Variants in WDR72 observed in about 807,000 individuals in gnomAD.
WDR72 encodes the protein WD repeat domain 72.
Under a neutral mutation model 124.2 loss-of-function variants are expected in WDR72, and 120 were observed. The ratio of observed to expected loss-of-function variants is 0.97; its 90% CI spans 0.83 to 1.12. WDR72 has a LOEUF of 1.12. WDR72 is among the 50% of genes most tolerant of loss of function. The pLI is 0.00. For synonymous variants in WDR72, 452 were observed against 441.7 expected (o/e 1.02, Z -0.29); for missense variants, 1,387 against 1,278.8 (o/e 1.08, Z -1.29).
chr15:53,532,822 A>G (rs1281291823), intron 18 of WDR72, among the ~76,000 whole-genome samples: 1 of 152,120 alleles, frequency 6.6e-6, no homozygotes, highest in Admixed American at 6.6e-5. Context: ...GGGTGAAGTG[A>G]TGGAAACCCA....
chr15:53,683,329 G>A lies in WDR72; in HGVS notation c.1765+16421C>T, dbSNP rs561882832. 1.1e-4 allele frequency among the ~76,000 whole-genome samples: 17 copies of A among 152,208 alleles called. No homozygotes were observed. In the South Asian group the frequency reaches 3.1e-3, roughly 28 times the overall value. ...TGTATTATACATGTCATAGTAGCTA[G>A]AAGAGATAATCTGATTGTTCCCAAC... On this transcript the variant is annotated intron_variant, in intron 13 of 19. Coordinates refer to ENST00000360509, the MANE Select transcript of WDR72 (RefSeq NM_182758.4).
intron 14 of WDR72, among the ~76,000 whole-genome samples, chr15:53,625,574 A>G (rs905485818): frequency 6.6e-6 from 1 of 152,220 alleles, no homozygotes; most frequent in African/African-American, 2.4e-5. Context: ...AGGCAAAGGC[A>G]CACAGGGTTG....
intron 3 of WDR72, among the ~76,000 whole-genome samples, chr15:53,717,621 T>C (rs1235271144): frequency 2.0e-5 from 3 of 152,130 alleles, no homozygotes; most frequent in African/African-American, 7.2e-5. Flanking sequence ...CACTTGGTAA[T>C]ATTTGGAGAT....
chr15:53,716,768 T>TTGTGCTGC, intron 3 of WDR72, 83 bp from the exon 4 acceptor site: 1 of 876,038 alleles, frequency 1.1e-6, no homozygotes, highest in Non-Finnish European at 1.9e-6. Context: ...AGTTTTTCTT[T>TTGTGCTGC]AGCAGCCTGA....
chr15:53,593,981 G>T (rs2012640234), intron 18 of WDR72, among the ~76,000 whole-genome samples: 1 of 151,940 alleles, frequency 6.6e-6, no homozygotes, highest in African/African-American at 2.4e-5. Flanking sequence ...CAATGAACAT[G>T]AACATTTTAA....
chr15:53,626,061 A>G (rs978949014), intron 14 of WDR72, among the ~76,000 whole-genome samples: 5 of 152,042 alleles, frequency 3.3e-5, no homozygotes, highest in Non-Finnish European at 7.4e-5. Context: ...GTTGTGAAAA[A>G]ATTTGACCTG....
intron 6 of WDR72, among the ~76,000 whole-genome samples, chr15:53,714,207 A>C (rs1784789213): frequency 8.5e-6 from 1 of 117,054 alleles, no homozygotes; most frequent in Admixed American, 8.8e-5. Context: ...GTGTGTGTAA[A>C]TGAAAACATT....
intron 18 of WDR72, among the ~76,000 whole-genome samples, chr15:53,593,289 T>G (rs534082777): frequency 6.6e-6 from 1 of 152,148 alleles, no homozygotes; most frequent in Non-Finnish European, 1.5e-5. Flanking sequence ...TCAAACTGAT[T>G]TAGGGCAAAT....
chr15:53,735,105 C>T (rs969948579), intron 1 of WDR72, among the ~76,000 whole-genome samples: 1 of 151,964 alleles, frequency 6.6e-6, no homozygotes, highest in Admixed American at 6.6e-5. Flanking sequence ...ACCAGCCTGA[C>T]CAACATGGTG....
At chr15:53,762,169 G>T (rs1490668174), upstream of WDR72, among the ~76,000 whole-genome samples, 2 of 152,088 alleles carry the variant, frequency 1.3e-5, no homozygotes, top group Non-Finnish European at 2.9e-5. Flanking sequence ...AAATATTAAG[G>T]ATATTTGGCC....
chr15:53,578,925 T>A (rs16966231), intron 18 of WDR72, among the ~76,000 whole-genome samples: 26,557 of 151,672 alleles, frequency 0.18, 4,166 homozygotes, highest in African/African-American at 0.42. Flanking sequence ...ACTAGGAGAG[T>A]CTATAAATGA....
At chr15:53,553,122 G>A (rs1157096290) in intron 18 of WDR72, among the ~76,000 whole-genome samples, 1 of 152,084 alleles carries the variant, frequency 6.6e-6, no homozygotes, top group African/African-American at 2.4e-5. Context: ...TTAGACAGGG[G>A]AGGAGAAAAT....
intron 18 of WDR72, among the ~76,000 whole-genome samples, chr15:53,560,916 T>G (rs1484148423): frequency 3.3e-5 from 5 of 151,880 alleles, no homozygotes; most frequent in Non-Finnish European, 7.4e-5. Context: ...AGACTTGCTC[T>G]AGAATCATTT....
chr15:53,710,878 A>G lies in WDR72; in HGVS notation c.933T>C (p.Ser311=), dbSNP rs113462672. ...TTACCTTATTTTCCTGCACAGAAGT[A>G]GAGCACAGTAAATGAGGATAAATGG... ...KETIYPHLLC[S]TSVQENKEQS... The change falls in exon 9 of 20, where the codon TCT becomes TCC. Residue 311 remains serine, a synonymous_variant. Transcript: ENST00000360509. The G allele has an allele frequency of 1.9e-6, 3 of 1,613,496 alleles. No homozygotes were observed. Among genetic ancestry groups the G allele is most frequent in the South Asian group, 1.1e-5 (1 of 91,072 alleles).
At chr15:53,634,600 T>C (rs894697533) in intron 14 of WDR72, among the ~76,000 whole-genome samples, 4 of 152,158 alleles carry the variant, frequency 2.6e-5, no homozygotes, top group African/African-American at 4.8e-5. Flanking sequence ...AGGCTGCAGG[T>C]TGGACAACTT....
rs933066571 is a variant in WDR72 at position 53,705,118 on chromosome 15, T to G, written c.1218A>C (p.Val406=). The change falls in exon 11 of 20, where the codon GTA becomes GTC. Residue 406 remains valine, a synonymous_variant. Transcript: ENST00000360509. ...TTGGAATATACTCTGATGAAGTGAC[T>G]ACAGCAGTTCCTGCCCCATCTTTAA... ...SGLKDGAGTA[V]VTSSEYIPSL... 1 of 1,614,160 alleles carries G rather than the reference T, an allele frequency of 6.2e-7. No homozygotes were observed. The highest frequency in any genetic ancestry group is 8.5e-7 in the Non-Finnish European group (1 of 1,180,024).
At chr15:53,727,848 A>G (rs2018086779) in intron 2 of WDR72, among the ~76,000 whole-genome samples, 1 of 152,244 alleles carries the variant, frequency 6.6e-6, no homozygotes, top group Non-Finnish European at 1.5e-5. Flanking sequence ...ACCATATTGT[A>G]GAACTGCTGT....
At chr15:53,521,938 C>G (rs1402672664) in intron 19 of WDR72, among the ~76,000 whole-genome samples, 1 of 151,914 alleles carries the variant, frequency 6.6e-6, no homozygotes, top group African/African-American at 2.4e-5. Context: ...CTACATTTTT[C>G]TTTTGGCTAT....
At position 53,539,686 on chromosome 15, in the gene WDR72, A is replaced by G. The variant is rs148025691; in HGVS notation, c.3149-16364T>C. The stretch of plus-strand genomic sequence containing the variant: ...CCAAATACTCCCTCAATACCTACAT[A>G]CAGAAAGTGAGAGAGAAAGAGAGAT... On this transcript the variant is annotated intron_variant, in intron 18 of 19. Coordinates refer to ENST00000360509, the MANE Select transcript of WDR72 (RefSeq NM_182758.4). Among the ~76,000 whole-genome samples, 715 of 152,126 alleles carry G rather than the reference A, an allele frequency of 4.7e-3. 5 individuals are homozygous for G. Among genetic ancestry groups the G allele is most frequent in the African/African-American group, 0.016 (676 of 41,554 alleles).
Sources: gnomAD v4.1 joint callset for allele counts (sites outside exome capture counted in the v4.1 genomes callset) on GRCh38, gnomAD v4.1.1 for gene constraint, MANE v1.5 for transcripts, NCBI Gene and HGNC (gene_info 2026-07-23, HGNC 2026-07-21) for gene names.